Variants in ADAMTS19 observed in about 807,000 individuals in gnomAD.
ADAMTS19 encodes the protein A disintegrin and metalloproteinase with thrombospondin motifs 19.
ADAMTS19 carries 93 observed loss-of-function variants against 153.3 expected under a neutral mutation model. The observed-to-expected ratio is 0.61, with a 90% CI of 0.51 to 0.72. The LOEUF is 0.72. ADAMTS19 is among the 30% of genes least tolerant of loss of function. The pLI, the probability that ADAMTS19 is intolerant of heterozygous loss-of-function variation, is 0.00. For missense variants in ADAMTS19, 1,482 were observed against 1,552.1 expected, an observed-to-expected ratio of 0.95 and a Z score of 0.76; for synonymous variants, 600 against 556.6, an observed-to-expected ratio of 1.08 and a Z score of -1.10.
At chr5:129,552,081 A>T (rs182452095) in intron 7 of ADAMTS19, among the ~76,000 whole-genome samples, 174 bp downstream of exon 7, 1 of 151,944 alleles carries the variant, frequency 6.6e-6, no homozygotes, top group East Asian at 1.9e-4. Context: ...TGTAAAAGAC[A>T]TGTATCAACT....
intron 2 of ADAMTS19, among the ~76,000 whole-genome samples, chr5:129,471,100 T>TG (rs1408200139): frequency 1.4e-4 from 1 of 7,320 alleles, no homozygotes; most frequent in Non-Finnish European, 2.8e-4. Flanking sequence ...GCGGGGGTGG[T>TG]GGGGGGTGGT....
At chr5:129,662,451 C>A (rs1308896435) in intron 15 of ADAMTS19, among the ~76,000 whole-genome samples, 2 of 152,190 alleles carry the variant, frequency 1.3e-5, no homozygotes, top group Non-Finnish European at 2.9e-5. Context: ...TACTTTTCTA[C>A]CTCTCTTCTT....
At chr5:129,477,421 C>T (rs1474419623) in intron 2 of ADAMTS19, among the ~76,000 whole-genome samples, 1 of 152,034 alleles carries the variant, frequency 6.6e-6, no homozygotes, top group Non-Finnish European at 1.5e-5. Flanking sequence ...ATACAACCTT[C>T]GTATGAGGGA....
intron 16 of ADAMTS19, among the ~76,000 whole-genome samples, chr5:129,673,166 C>G (rs1429107489): frequency 1.3e-5 from 2 of 151,926 alleles, no homozygotes; most frequent in African/African-American, 4.8e-5. Flanking sequence ...TGTTAATTTA[C>G]TTCTATTTAA....
intron 2 of ADAMTS19, among the ~76,000 whole-genome samples, chr5:129,507,292 C>T (rs1260863112): frequency 1.3e-5 from 2 of 151,988 alleles, no homozygotes; most frequent in Admixed American, 6.6e-5. Flanking sequence ...TAACATATTT[C>T]TTTATTTTTA....
intron 6 of ADAMTS19, among the ~76,000 whole-genome samples, chr5:129,534,998 T>C (rs1752359887): frequency 6.6e-6 from 1 of 152,164 alleles, no homozygotes; most frequent in Non-Finnish European, 1.5e-5. Context: ...CTTTGAAAAC[T>C]GGCACAAGAC....
chr5:129,603,148 T>A (rs1750741387), intron 8 of ADAMTS19, among the ~76,000 whole-genome samples: 1 of 151,786 alleles, frequency 6.6e-6, no homozygotes, highest in Admixed American at 6.6e-5. Flanking sequence ...ATAAAAAGAG[T>A]TCATCAAATG....
rs116282678 is a variant in ADAMTS19, at chr5:129,531,713, A to G, written c.1328+3036A>G. Among the ~76,000 whole-genome samples, 1,493 of 152,246 alleles carry G rather than the reference A, an allele frequency of 9.8e-3. 28 individuals are homozygous for G. The highest frequency in any genetic ancestry group is 0.035 in the African/African-American group (1,448 of 41,510). On this transcript the variant is annotated intron_variant, in intron 6 of 22. Transcript: ENST00000274487. The stretch of plus-strand genomic sequence containing the variant: ...TGTTTATATATATATATGTATGTAT[A>G]TGAACAAATTGGATGGACTTACACG...
chr5:129,686,084 T>G (rs912884933), intron 18 of ADAMTS19, among the ~76,000 whole-genome samples: 2 of 152,214 alleles, frequency 1.3e-5, no homozygotes, highest in Non-Finnish European at 2.9e-5. Flanking sequence ...TTTGATTATC[T>G]GGAGTAATAG....
intron 8 of ADAMTS19, among the ~76,000 whole-genome samples, chr5:129,618,792 T>C (rs987942651): frequency 6.6e-6 from 1 of 152,036 alleles, no homozygotes; most frequent in African/African-American, 2.4e-5. Flanking sequence ...TATCTCAGGC[T>C]ATGCATGTAC....
intron 10 of ADAMTS19, among the ~76,000 whole-genome samples, chr5:129,630,081 A>T (rs1442564900): frequency 6.6e-6 from 1 of 152,114 alleles, no homozygotes; most frequent in Non-Finnish European, 1.5e-5. Flanking sequence ...TTAAATATTG[A>T]CATGGAAAGT....
intron 7 of ADAMTS19, among the ~76,000 whole-genome samples, chr5:129,562,254 T>C (rs1203105167): frequency 6.6e-6 from 1 of 152,230 alleles, no homozygotes; most frequent in Non-Finnish European, 1.5e-5. Context: ...TCCTTTTTGT[T>C]ACACAAAAAT....
At chr5:129,560,232 G>A (rs939029527) in intron 7 of ADAMTS19, among the ~76,000 whole-genome samples, 2 of 152,098 alleles carry the variant, frequency 1.3e-5, no homozygotes, top group Admixed American at 1.3e-4. Flanking sequence ...AATGCCATTT[G>A]TTCTACAAAA....
chr5:129,722,206 A>G (rs1450303326), intron 21 of ADAMTS19, among the ~76,000 whole-genome samples: 2 of 152,238 alleles, frequency 1.3e-5, no homozygotes, highest in African/African-American at 4.8e-5. Flanking sequence ...AAACTAATTT[A>G]CATTCCCACC....
chr5:129,624,126 CAAAAAAAAAAAAAAAA>C (rs765901844), intron 10 of ADAMTS19, among the ~76,000 whole-genome samples: 1 of 26,814 alleles, frequency 3.7e-5, no homozygotes, highest in African/African-American at 1.3e-4. Flanking sequence ...GGCTCAGTCT[CAAAAAAAAAAAAAAAA>C]AAAAAAAAAA....
At chr5:129,729,539 T>C (rs1757348622) in intron 21 of ADAMTS19, among the ~76,000 whole-genome samples, 1 of 151,982 alleles carries the variant, frequency 6.6e-6, no homozygotes, top group Admixed American at 6.6e-5. Flanking sequence ...AAAGCAAATC[T>C]ATTAGTTATT....
At chr5:129,560,935 T>C (rs1214187438) in intron 7 of ADAMTS19, among the ~76,000 whole-genome samples, 1 of 152,212 alleles carries the variant, frequency 6.6e-6, no homozygotes, top group African/African-American at 2.4e-5. Context: ...ATTAAACTTT[T>C]TGGTCTTTGT....
chr5:129,649,577 G>A (rs1372375597), intron 13 of ADAMTS19, among the ~76,000 whole-genome samples: 1 of 152,112 alleles, frequency 6.6e-6, no homozygotes, highest in African/African-American at 2.4e-5. Flanking sequence ...GTGGGGAGAG[G>A]GATGGGTATT....
intron 6 of ADAMTS19, among the ~76,000 whole-genome samples, chr5:129,550,077 T>C (rs537007661): frequency 9.4e-6 from 1 of 106,594 alleles, no homozygotes; most frequent in Non-Finnish European, 1.9e-5. Context: ...TAGATATACA[T>C]ATACATGTAT....
Sources: allele counts gnomAD v4.1 joint callset (sites outside exome capture counted in the v4.1 genomes callset), GRCh38; gene constraint gnomAD v4.1.1; transcripts MANE v1.5; gene names NCBI Gene and HGNC (gene_info 2026-07-23, HGNC 2026-07-21).